DLEU7: variants seen among roughly 807,000 people sequenced by gnomAD.
The protein encoded by DLEU7 is leukemia-associated protein 7.
A neutral mutation model predicts 16.0 loss-of-function variants in DLEU7; 17 were observed. The ratio of observed to expected loss-of-function variants is 1.06; its 90% CI spans 0.73 to 1.59. DLEU7 has a LOEUF of 1.59. Ranked by LOEUF, DLEU7 falls within the 40% of genes most tolerant of loss-of-function variation. DLEU7 has a pLI of 0.00. For synonymous variants in DLEU7, 113 were observed against 139.8 expected, an observed-to-expected ratio of 0.81 and a Z score of 1.35; for missense variants, 308 against 314.9, an observed-to-expected ratio of 0.98 and a Z score of 0.17.
chr13:50,801,426 ATTTTTGAGTATCCC>A (rs1301646774), intron 1 of DLEU7, among the ~76,000 whole-genome samples: 6 of 151,958 alleles, frequency 3.9e-5, no homozygotes, highest in Admixed American at 3.9e-4. Flanking sequence ...CCACATTTTC[ATTTTTGAGTATCCC>A]TTTTCTGAGC....
Position 50,726,540 on chromosome 13 carries a change from G to C in DLEU7, c.460-13300C>G, listed in dbSNP as rs966433635. Among the ~76,000 whole-genome samples, 4 of 152,126 alleles carry C rather than the reference G, an allele frequency of 2.6e-5. No individual in the cohort carries two copies. The highest frequency in any genetic ancestry group is 9.7e-5 in the African/African-American group (4 of 41,420). On this transcript the variant is annotated intron_variant, in intron 1 of 1. Coordinates refer to the DLEU7 transcript ENST00000400393. The surrounding 1 kb of genome is among the most constrained non-coding windows in gnomAD (Gnocchi z 4.0). ...AACGTTGCATTTTCAAATCACAAAA[G>C]TTTTTGCCAAAATTCACAATGTTTG...
In DLEU7 at chr13:50,809,956, C is replaced by A. The variant is rs751397278; in HGVS notation, c.459+33232G>T. 7.9e-5 allele frequency among the ~76,000 whole-genome samples: 12 copies of A among 151,848 alleles called. 1 individual carries two copies. Among genetic ancestry groups the A allele is most frequent in the Admixed American group, 2.0e-4 (3 of 15,260 alleles). ...TTTGTGACACAGTGTCACACATGAT[C>A]CTTTGAGCCAGCAGGGACAAGAACA... is the stretch of plus-strand genomic sequence containing the variant. On this transcript the variant is annotated intron_variant, in intron 1 of 1. Transcript: ENST00000400393.
chr13:50,713,282 A>AT (rs746333844), intron 1 of DLEU7: 2 of 1,587,594 alleles, frequency 1.3e-6, no homozygotes, highest in South Asian at 2.3e-5. Flanking sequence ...CTTGCTTTGC[A>AT]TTTTTTATAT....
At chr13:50,814,108 A>G (rs1171220424) in intron 1 of DLEU7, among the ~76,000 whole-genome samples, 2 of 152,192 alleles carry the variant, frequency 1.3e-5, no homozygotes, top group Non-Finnish European at 2.9e-5. Flanking sequence ...TCATGGCATT[A>G]TTCAGGTATG....
intron 1 of DLEU7, among the ~76,000 whole-genome samples, chr13:50,738,857 C>T (rs2761849): frequency 0.12 from 17,604 of 151,936 alleles, 1,172 homozygotes; most frequent in African/African-American, 0.18. Context: ...TAAGCTTAAG[C>T]TGAAAATTCT....
chr13:50,779,028 G>A (rs1054421834), intron 1 of DLEU7, among the ~76,000 whole-genome samples: 1 of 152,196 alleles, frequency 6.6e-6, no homozygotes, highest in Non-Finnish European at 1.5e-5. Flanking sequence ...CTACTAGGGT[G>A]TGAGATAAAG....
At chr13:50,754,287 T>C (rs1874684444) in intron 1 of DLEU7, among the ~76,000 whole-genome samples, 1 of 152,234 alleles carries the variant, frequency 6.6e-6, no homozygotes, top group South Asian at 2.1e-4. Context: ...TCCCCCACTA[T>C]TATTGTGTTG....
chr13:50,725,184 A>C (rs1032330979), intron 1 of DLEU7, among the ~76,000 whole-genome samples: 12 of 152,266 alleles, frequency 7.9e-5, no homozygotes, highest in Middle Eastern at 3.4e-3. Flanking sequence ...AAGTGTCTGC[A>C]AAAGAAAGCC....
intron 1 of DLEU7, among the ~76,000 whole-genome samples, chr13:50,797,394 G>A (rs1233794801): frequency 6.6e-6 from 1 of 152,142 alleles, no homozygotes; most frequent in African/African-American, 2.4e-5. Flanking sequence ...TATAATAAGG[G>A]TTCCAGACAC....
At chr13:50,822,113 T>G (rs1876926570), downstream of DLEU7, among the ~76,000 whole-genome samples, 2 of 152,088 alleles carry the variant, frequency 1.3e-5, no homozygotes, top group African/African-American at 4.8e-5. Flanking sequence ...GCCTTTCCCT[T>G]AGAATTCAGT....
At chr13:50,732,000 T>C (rs1204467984) in intron 1 of DLEU7, among the ~76,000 whole-genome samples, 1 of 152,234 alleles carries the variant, frequency 6.6e-6, no homozygotes, top group Non-Finnish European at 1.5e-5. Context: ...CTTTGCAATA[T>C]TGCTTTATTC....
At chr13:50,791,037 C>T (rs1391397474) in intron 1 of DLEU7, among the ~76,000 whole-genome samples, 6 of 151,854 alleles carry the variant, frequency 4.0e-5, no homozygotes, top group Non-Finnish European at 1.5e-5. Flanking sequence ...ACCGAGTGGG[C>T]GAGGGAGGGA....
At chr13:50,758,441 T>G (rs1874827174) in intron 1 of DLEU7, among the ~76,000 whole-genome samples, 1 of 152,140 alleles carries the variant, frequency 6.6e-6, no homozygotes, top group African/African-American at 2.4e-5. Flanking sequence ...TAAAAAAAAT[T>G]TATTATGTCA....
intron 1 of DLEU7, among the ~76,000 whole-genome samples, chr13:50,838,062 A>T (rs997395451): frequency 2.9e-4 from 44 of 152,086 alleles, no homozygotes; most frequent in Non-Finnish European, 4.6e-4. Flanking sequence ...AGATTTGCTT[A>T]TTATTTTTTT....
downstream of DLEU7, among the ~76,000 whole-genome samples, chr13:50,818,799 C>T (rs1485631391): frequency 6.6e-6 from 1 of 152,104 alleles, no homozygotes; most frequent in African/African-American, 2.4e-5. Context: ...ACTGTGGGCC[C>T]GTCACTGTAC....
At chr13:50,803,771 T>TAC (rs1876311873) in intron 1 of DLEU7, among the ~76,000 whole-genome samples, 1 of 152,252 alleles carries the variant, frequency 6.6e-6, no homozygotes, top group East Asian at 1.9e-4. Flanking sequence ...AATTTAGAAT[T>TAC]ACACGTGTAG....
chr13:50,794,301 C>CT (rs11287814), intron 1 of DLEU7, among the ~76,000 whole-genome samples: 149 of 147,352 alleles, frequency 1.0e-3, no homozygotes, highest in South Asian at 6.9e-3. Context: ...AGTAAAAAGA[C>CT]TTTTTTTTTT....
At chr13:50,781,988 A>G (rs1379197665) in intron 1 of DLEU7, among the ~76,000 whole-genome samples, 2 of 152,220 alleles carry the variant, frequency 1.3e-5, no homozygotes, top group East Asian at 3.8e-4. Context: ...ATATGTATTC[A>G]AACTGTGGTT....
downstream of DLEU7, among the ~76,000 whole-genome samples, chr13:50,819,340 G>A (rs1876828104): frequency 6.6e-6 from 1 of 152,144 alleles, no homozygotes; most frequent in African/African-American, 2.4e-5. Flanking sequence ...TAGGTGTGTA[G>A]TAGGAGATGG....
Sources: allele counts gnomAD v4.1 joint callset (sites outside exome capture counted in the v4.1 genomes callset), GRCh38; gene constraint gnomAD v4.1.1; non-coding constraint Gnocchi (gnomAD v3.1); transcripts MANE v1.5; gene names NCBI Gene and HGNC (gene_info 2026-07-23, HGNC 2026-07-21).